The following HMBOX1 variants were observed in gnomAD, a reference collection of about 807,000 sequenced individuals.
HMBOX1 encodes homeobox containing 1.
In HMBOX1, 14 loss-of-function variants were observed where a neutral mutation model predicts 54.5. The observed-to-expected ratio is 0.26, with a 90% CI of 0.17 to 0.40. HMBOX1 has a LOEUF of 0.40. Among genes scored for constraint, HMBOX1 ranks in the 10% least tolerant of loss-of-function variants. The pLI, the probability that HMBOX1 is intolerant of heterozygous loss-of-function variation, is 1.00. For missense variants in HMBOX1, 332 were observed against 514.4 expected (o/e 0.65, Z 3.43); for synonymous variants, 160 against 181.0 (o/e 0.88, Z 0.93).
intron 1 of HMBOX1, among the ~76,000 whole-genome samples, chr8:28,895,552 G>C (rs1811939291): frequency 6.6e-6 from 1 of 152,110 alleles, no homozygotes; most frequent in South Asian, 2.1e-4. Context: ...GTGCATGCCT[G>C]TAATCCCAGC....
At chr8:28,952,892 A>C (rs1451278518) in intron 1 of HMBOX1, among the ~76,000 whole-genome samples, 1 of 152,250 alleles carries the variant, frequency 6.6e-6, no homozygotes, top group African/African-American at 2.4e-5. Flanking sequence ...TGTTTATCAC[A>C]AGTAAACATT....
At chr8:29,035,298 T>C (rs749497146) in intron 6 of HMBOX1, among the ~76,000 whole-genome samples, 1 of 152,178 alleles carries the variant, frequency 6.6e-6, no homozygotes, top group Admixed American at 6.5e-5. Flanking sequence ...GATCTCCATG[T>C]TATAATAATT....
chr8:28,909,972 G>T (rs1815097813), intron 1 of HMBOX1, among the ~76,000 whole-genome samples: 1 of 151,860 alleles, frequency 6.6e-6, no homozygotes, highest in South Asian at 2.1e-4. Context: ...TGATTCTCCT[G>T]CCTCAAGCCT....
intron 1 of HMBOX1, among the ~76,000 whole-genome samples, chr8:28,960,995 C>T (rs943826062): frequency 1.3e-5 from 2 of 151,434 alleles, no homozygotes; most frequent in African/African-American, 4.9e-5. Context: ...CCATGTTGGC[C>T]AGGATGGTCT....
intron 1 of HMBOX1, among the ~76,000 whole-genome samples, chr8:28,936,915 A>C (rs1820506216): frequency 6.6e-6 from 1 of 152,144 alleles, no homozygotes; most frequent in Non-Finnish European, 1.5e-5. Flanking sequence ...AAAAACAGGA[A>C]TATAGAATTT....
At chr8:29,023,477 A>G (rs1460067603) in intron 6 of HMBOX1, among the ~76,000 whole-genome samples, 1 of 152,188 alleles carries the variant, frequency 6.6e-6, no homozygotes, top group Non-Finnish European at 1.5e-5. Context: ...ATCATAGCTC[A>G]CCACAGCCTC....
chr8:29,043,613 A>G (rs1805160027), intron 6 of HMBOX1, among the ~76,000 whole-genome samples: 1 of 152,238 alleles, frequency 6.6e-6, no homozygotes, highest in African/African-American at 2.4e-5. Context: ...CTCATCCAGT[A>G]CATCTCAGAA....
At chr8:28,896,668 C>G (rs1000473854) in intron 1 of HMBOX1, among the ~76,000 whole-genome samples, 1 of 124,234 alleles carries the variant, frequency 8.0e-6, no homozygotes, top group African/African-American at 2.6e-5. Flanking sequence ...CAGATACTTT[C>G]CAGTGCGTTA....
chr8:28,923,928 T>C (rs886265641), intron 1 of HMBOX1, among the ~76,000 whole-genome samples: 1 of 152,188 alleles, frequency 6.6e-6, no homozygotes, highest in African/African-American at 2.4e-5. Flanking sequence ...GAAATGCCTG[T>C]TTAAACCCTT....
At chr8:28,931,379 G>A (rs1819444296) in intron 1 of HMBOX1, among the ~76,000 whole-genome samples, 1 of 152,154 alleles carries the variant, frequency 6.6e-6, no homozygotes, top group Non-Finnish European at 1.5e-5. Context: ...TGCGGGGGTT[G>A]TACTAGAGAA....
At chr8:28,998,965 A>T (rs1832252350) in intron 4 of HMBOX1, among the ~76,000 whole-genome samples, 1 of 152,120 alleles carries the variant, frequency 6.6e-6, no homozygotes, top group African/African-American at 2.4e-5. Context: ...ATCAACTTAG[A>T]TTATAATTAT....
intron 1 of HMBOX1, among the ~76,000 whole-genome samples, chr8:28,896,179 T>G (rs1812075260): frequency 6.6e-6 from 1 of 152,232 alleles, no homozygotes. Flanking sequence ...AGGATTATTG[T>G]GAGCCCTTGA....
intron 1 of HMBOX1, among the ~76,000 whole-genome samples, chr8:28,923,965 T>TTTG (rs766829566): frequency 3.1e-4 from 47 of 152,142 alleles, no homozygotes; most frequent in Non-Finnish European, 4.9e-4. Context: ...AGGCTGTTTT[T>TTTG]TTGTTGTTGT....
Position 29,051,252 on chromosome 8 carries a change from C to T in HMBOX1, c.*97C>T. 5.1e-6 allele frequency: 7 copies of T among 1,372,958 alleles called. No individual in the cohort carries two copies. The highest frequency in any genetic ancestry group is 6.0e-6 in the Non-Finnish European group (6 of 995,116). 85.0% of individuals were successfully genotyped at this position (1,372,958 alleles called of 1,614,324 possible). On this transcript the variant is annotated 3_prime_UTR_variant, in exon 10 of 10. Transcript: ENST00000287701. ...ACATGTGTTCTTACAGTATAACTTG[C>T]AGTTTCTTGTATGTCAGGTAGCTGT...
At chr8:28,952,434 A>G (rs1877501) in intron 1 of HMBOX1, among the ~76,000 whole-genome samples, 91,829 of 151,850 alleles carry the variant, frequency 0.6, 28,311 homozygotes, top group East Asian at 0.7. Flanking sequence ...AGGTTTCACC[A>G]TGTTAGCCAG....
chr8:28,970,065 T>C lies in HMBOX1; in HGVS notation c.46T>C (p.Tyr16His). The change falls in exon 3 of 10, where the codon TAT becomes CAT. Residue 16 changes from tyrosine to histidine, a missense_variant. Around this residue, in one of 4 missense-constraint regions of HMBOX1, gnomAD observed 146 missense variants for 173.3 expected, o/e 0.84. Coordinates refer to ENST00000287701, the MANE Select transcript of HMBOX1 (RefSeq NM_001135726.3). This position sits in a 1 kb window ranked among gnomAD's most constrained non-coding sequence, Gnocchi z 4.3. ...TAGTTTGCTGGAAACCATGTCTCAT[T>C]ATACAGATGAACCCAGATTTACCAT... ...PVVLLETMSH[Y>H]TDEPRFTIEQ... is the part of the protein sequence containing the mutation. 1.2e-6 allele frequency: 2 copies of C among 1,612,290 alleles called. No individual in the cohort carries two copies. Among genetic ancestry groups the C allele is most frequent in the Non-Finnish European group, 1.7e-6 (2 of 1,178,440 alleles).
chr8:28,922,247 A>C (rs1772011973), intron 1 of HMBOX1, among the ~76,000 whole-genome samples: 1 of 152,228 alleles, frequency 6.6e-6, no homozygotes, highest in Non-Finnish European at 1.5e-5. Context: ...TAGTATAAGT[A>C]ATCTAGAGAT....
intron 5 of HMBOX1, among the ~76,000 whole-genome samples, chr8:29,015,526 G>T (rs1834870508): frequency 6.6e-6 from 1 of 152,132 alleles, no homozygotes. Flanking sequence ...CAGAGCTCTT[G>T]CTGTGCTGTA....
At chr8:29,025,680 T>C (rs1383420280) in intron 6 of HMBOX1, among the ~76,000 whole-genome samples, 1 of 152,170 alleles carries the variant, frequency 6.6e-6, no homozygotes, top group African/African-American at 2.4e-5. Context: ...GTCATCAATA[T>C]ATTAGGTACA....
Sources: allele counts gnomAD v4.1 joint callset (sites outside exome capture counted in the v4.1 genomes callset), GRCh38; gene constraint gnomAD v4.1.1; regional missense constraint gnomAD v4.1.1; non-coding constraint Gnocchi (gnomAD v3.1); transcripts MANE v1.5; gene names NCBI Gene and HGNC (gene_info 2026-07-23, HGNC 2026-07-21).